Variants in CTNNA2 observed in about 807,000 individuals in gnomAD.
CTNNA2 encodes the protein catenin alpha 2.
In CTNNA2, 42 loss-of-function variants were observed where a neutral mutation model predicts 101.0. That is an observed-to-expected ratio of 0.42 (90% CI 0.32 to 0.54). CTNNA2 has a LOEUF of 0.54. CTNNA2 is among the 20% of genes least tolerant of loss of function. CTNNA2 has a pLI of 0.14. For synonymous variants in CTNNA2, 450 were observed against 456.4 expected (o/e 0.99, Z 0.18); for missense variants, 871 against 1,223.1 (o/e 0.71, Z 4.29).
chr2:79,335,441 A>G (rs1178706571), intron 3 of CTNNA2, among the ~76,000 whole-genome samples: 1 of 152,030 alleles, frequency 6.6e-6, no homozygotes, highest in African/African-American at 2.4e-5. Flanking sequence ...CTTTGTCTAC[A>G]CTCTCCAGGC....
chr2:79,841,333 T>C (rs1036142368), intron 3 of CTNNA2, among the ~76,000 whole-genome samples: 24 of 152,346 alleles, frequency 1.6e-4, no homozygotes, highest in African/African-American at 5.5e-4. Flanking sequence ...TAATAACTTT[T>C]GTTTACTTAA....
At chr2:79,841,142 G>C (rs1432630410) in intron 3 of CTNNA2, among the ~76,000 whole-genome samples, 1 of 152,136 alleles carries the variant, frequency 6.6e-6, no homozygotes, top group Non-Finnish European at 1.5e-5. Flanking sequence ...TGTTGCTCAG[G>C]CTGGAGTGCA....
chr2:79,194,561 G>A (rs1673933538), intron 1 of CTNNA2, among the ~76,000 whole-genome samples: 1 of 152,190 alleles, frequency 6.6e-6, no homozygotes, highest in African/African-American at 2.4e-5. Flanking sequence ...AAAATGTTTA[G>A]TTCCCAGAGC....
chr2:80,358,795 T>C (rs142031192), intron 7 of CTNNA2, among the ~76,000 whole-genome samples: 290 of 152,272 alleles, frequency 1.9e-3, no homozygotes, highest in African/African-American at 6.7e-3. Context: ...TTCTAGTATA[T>C]TGAATATGTT....
In CTNNA2 at chr2:80,099,618, ATGTGG is replaced by A. The variant is rs140334100; in HGVS notation, c.1056+189826_1056+189830del. Among the ~76,000 whole-genome samples, 450 of 152,264 alleles carry A rather than the reference ATGTGG, an allele frequency of 3.0e-3. 3 individuals are homozygous for A. The highest frequency in any genetic ancestry group is 0.01 in the African/African-American group (420 of 41,562). ...ATGTCAGAAGGCTGAAGAAGTTCCA[ATGTGG>A]TGTGTGGTCACCAAAATGCAGATTG... On this transcript the variant is annotated intron_variant, in intron 7 of 18. Coordinates refer to ENST00000402739, the MANE Select transcript of CTNNA2 (RefSeq NM_001282597.3).
chr2:79,946,133 C>G (rs1688476886), intron 7 of CTNNA2, among the ~76,000 whole-genome samples: 1 of 151,990 alleles, frequency 6.6e-6, no homozygotes. Flanking sequence ...TCCATCAAGT[C>G]TAATGCTCTC....
intron 7 of CTNNA2, among the ~76,000 whole-genome samples, chr2:80,164,671 A>G (rs960135584): frequency 7.3e-6 from 1 of 137,814 alleles, no homozygotes; most frequent in Non-Finnish European, 1.6e-5. Context: ...TTCCTTTCTT[A>G]CCTTTCCTTT....
intron 6 of CTNNA2, among the ~76,000 whole-genome samples, chr2:79,876,573 G>A (rs2104080596): frequency 6.6e-6 from 1 of 152,264 alleles, no homozygotes; most frequent in East Asian, 1.9e-4. Flanking sequence ...AGCACAGAGA[G>A]AAGGCCTGTG....
At position 79,285,409 on chromosome 2, in the gene CTNNA2, C is replaced by G. The variant is rs1303012152; in HGVS notation, c.-405-27300C>G. Among the ~76,000 whole-genome samples, 4 of 147,644 alleles carry G rather than the reference C, an allele frequency of 2.7e-5. No individual in the cohort carries two copies. In the East Asian group the frequency reaches 8.1e-4, roughly 30 times the overall value. ...GGCATTTAGTGCTATAAATTTCCCTCTACACACTGCTTTGAATGCGTCCCA... is the reference window on the plus strand; with the variant it reads ...GGCATTTAGTGCTATAAATTTCCCTGTACACACTGCTTTGAATGCGTCCCA... On this transcript the variant is annotated intron_variant, in intron 2 of 21. Transcript: ENST00000466387.
intron 7 of CTNNA2, among the ~76,000 whole-genome samples, chr2:80,176,774 A>G (rs1261193804): frequency 2.6e-5 from 4 of 152,130 alleles, no homozygotes; most frequent in Non-Finnish European, 5.9e-5. Flanking sequence ...ATCTGGGTCA[A>G]TCACCCCAGC....
At chr2:80,263,268 C>T (rs1212688526) in intron 7 of CTNNA2, among the ~76,000 whole-genome samples, 1 of 152,116 alleles carries the variant, frequency 6.6e-6, no homozygotes, top group Non-Finnish European at 1.5e-5. Context: ...TTTGTTAAAA[C>T]TATTCTGCAC....
rs777032066 is a variant in CTNNA2 at position 79,874,119 on chromosome 2, G to A, written c.629G>A (p.Arg210Gln). The change falls in exon 6 of 19, where the codon CGA (arginine) becomes CAA (glutamine). Residue 210 changes from arginine to glutamine, a missense_variant. Transcript: ENST00000402739. Reference protein sequence around the residue: ...PHCRDEMAAARGALKKNATML... With the variant: ...PHCRDEMAAAQGALKKNATML... ...TGTCGGGATGAGATGGCAGCCGCCC[G>A]AGGGGCTCTGAAGAAGAATGCCACA... 1.9e-6 allele frequency: 3 copies of A among 1,614,054 alleles called. No individual in the cohort carries two copies. Among genetic ancestry groups the A allele is most frequent in the African/African-American group, 1.3e-5 (1 of 74,926 alleles).
At position 79,248,366 on chromosome 2, in the gene CTNNA2, C is replaced by T. The variant is rs141824873; in HGVS notation, c.-406+50290C>T. ...TATTTTTAATAATATTTTAATTTAA[C>T]CTAATATATCAAAAAAGTATAATTT... On this transcript the variant is annotated intron_variant, in intron 2 of 21. Coordinates refer to the CTNNA2 transcript ENST00000466387. Among the ~76,000 whole-genome samples the T allele has an allele frequency of 3.5e-3, 527 of 151,058 alleles. 13 individuals carry two copies. The East Asian group carries it at 0.062, about 18-fold the overall frequency.
At chr2:80,112,482 C>T (rs1701279651) in intron 7 of CTNNA2, among the ~76,000 whole-genome samples, 1 of 152,136 alleles carries the variant, frequency 6.6e-6, no homozygotes, top group Non-Finnish European at 1.5e-5. Flanking sequence ...AAAGGCTTTA[C>T]AGGTTTCCAT....
chr2:79,318,533 G>A (rs972314697), intron 3 of CTNNA2, among the ~76,000 whole-genome samples: 3 of 152,144 alleles, frequency 2.0e-5, no homozygotes, highest in African/African-American at 7.2e-5. Context: ...ATGAAGAGAT[G>A]CATATATCAT....
intron 2 of CTNNA2, among the ~76,000 whole-genome samples, chr2:79,278,833 G>A (rs947133937): frequency 6.6e-6 from 1 of 152,100 alleles, no homozygotes; most frequent in Non-Finnish European, 1.5e-5. Flanking sequence ...GGTAAAGAGG[G>A]CCAGGTCCTC....
chr2:79,499,684 T>C (rs1671298955), intron 4 of CTNNA2, among the ~76,000 whole-genome samples: 1 of 152,164 alleles, frequency 6.6e-6, no homozygotes, highest in South Asian at 2.1e-4. Context: ...GTATCCCATT[T>C]TGATGTTTCT....
chr2:80,064,820 TGAG>T (rs1327904755), intron 7 of CTNNA2, among the ~76,000 whole-genome samples: 2 of 152,146 alleles, frequency 1.3e-5, no homozygotes, highest in Non-Finnish European at 2.9e-5. Flanking sequence ...AGTATAGAAT[TGAG>T]GAGAAGAGAA....
intron 2 of CTNNA2, among the ~76,000 whole-genome samples, chr2:79,292,524 AT>A (rs1675850751): frequency 6.6e-6 from 1 of 152,184 alleles, no homozygotes; most frequent in African/African-American, 2.4e-5. Context: ...GAACTAAAAG[AT>A]GAAGCTTTCT....
Sources: gnomAD v4.1 joint callset for allele counts (sites outside exome capture counted in the v4.1 genomes callset) on GRCh38, gnomAD v4.1.1 for gene constraint, MANE v1.5 for transcripts, NCBI Gene and HGNC (gene_info 2026-07-23, HGNC 2026-07-21) for gene names.